The following PGPEP1L variants were observed in gnomAD, a reference collection of about 807,000 sequenced individuals.
PGPEP1L encodes the protein pyroglutamyl-peptidase 1-like protein.
A neutral mutation model predicts 6.0 loss-of-function variants in PGPEP1L; 7 were observed. The observed-to-expected ratio is 1.17, with a 90% confidence interval of 0.66 to 2.19. The LOEUF (loss-of-function observed/expected upper bound fraction) is 2.19. Ranked by LOEUF, PGPEP1L falls within the 30% of genes most tolerant of loss-of-function variation. PGPEP1L has a pLI of 0.00. For synonymous variants in PGPEP1L, 103 were observed against 83.9 expected (o/e 1.23, Z -1.24); for missense variants, 209 against 192.5 (o/e 1.09, Z -0.51).
At chr15:99,002,080 T>G (rs1252814585) in intron 2 of PGPEP1L, among the ~76,000 whole-genome samples, 7 of 152,136 alleles carry the variant, frequency 4.6e-5, no homozygotes, top group African/African-American at 1.7e-4. Context: ...ACCACGATCA[T>G]AGCTTACTGC....
At chr15:98,970,403 C>A (rs1164102805) in intron 3 of PGPEP1L, among the ~76,000 whole-genome samples, 1 of 152,120 alleles carries the variant, frequency 6.6e-6, no homozygotes, top group Non-Finnish European at 1.5e-5. Context: ...CCAGTGAAAT[C>A]TTCTTAGAAT....
intron 2 of PGPEP1L, among the ~76,000 whole-genome samples, chr15:98,984,009 CTTTTTT>C (rs71456904): frequency 8.9e-4 from 103 of 115,780 alleles, no homozygotes; most frequent in African/African-American, 2.2e-3. Flanking sequence ...AGTAAGTAGT[CTTTTTT>C]TTTTTTTTTT....
chr15:99,007,781 C>G lies in PGPEP1L; in HGVS notation c.-792G>C, dbSNP rs757132556. 6.6e-6 allele frequency: 1 copy of G among 152,218 alleles called. No homozygotes were observed. Among genetic ancestry groups the G allele is most frequent in the African/African-American group, 2.4e-5 (1 of 41,440 alleles). 9.4% of individuals were successfully genotyped at this position (152,218 alleles called of 1,614,324 possible). A position where few individuals can be genotyped will look rare whatever the true frequency, so the allele number is the denominator to read the frequency against. On this transcript the variant is annotated 5_prime_UTR_variant, in exon 1 of 5. Coordinates refer to ENST00000535714, the MANE Select transcript of PGPEP1L (RefSeq NM_001167902.2). ...ACTTCCACAGCACAGAAGGCGACTC[C>G]AGCAAGTTGCTACTGCTACCTGGGG...
At chr15:98,987,092 G>T (rs1479359619) in intron 2 of PGPEP1L, among the ~76,000 whole-genome samples, 1 of 145,522 alleles carries the variant, frequency 6.9e-6, no homozygotes, top group Non-Finnish European at 1.5e-5. Context: ...GCTTAAACCC[G>T]GGAGGCGAGG....
rs1193248631 is a variant in PGPEP1L, at chr15:98,971,061, C to T, written c.-44G>A. ...TTGCGGCTGATGATCTTCCCAGATT[C>T]CGGTGACCCTCCGCTTAGCCTCCCT... On this transcript the variant is annotated 5_prime_UTR_variant, in exon 3 of 5. Transcript: ENST00000535714. 2 of 1,613,856 alleles carry T rather than the reference C, an allele frequency of 1.2e-6. No individual in the cohort carries two copies. The highest frequency in any genetic ancestry group is 2.7e-5 in the African/African-American group (2 of 75,018).
At chr15:99,004,613 G>A (rs1367947330) in intron 2 of PGPEP1L, among the ~76,000 whole-genome samples, 8 of 152,186 alleles carry the variant, frequency 5.3e-5, no homozygotes, top group African/African-American at 1.9e-4. Context: ...AGCTACTCGG[G>A]AGGCTGAGGC....
intron 2 of PGPEP1L, among the ~76,000 whole-genome samples, chr15:98,972,419 T>C (rs1006817710): frequency 5.3e-5 from 8 of 151,306 alleles, no homozygotes; most frequent in Non-Finnish European, 1.2e-4. Context: ...AACATTCTAC[T>C]AGAGAAAATC....
chr15:99,007,190 C>G (rs1430605159), intron 1 of PGPEP1L, among the ~76,000 whole-genome samples, 169 bp downstream of exon 1: 3 of 152,194 alleles, frequency 2.0e-5, no homozygotes, highest in Non-Finnish European at 4.4e-5. Context: ...GTCTCCCACT[C>G]CCTGTCCTGA....
chr15:99,005,000 C>T (rs1330393353), intron 2 of PGPEP1L, among the ~76,000 whole-genome samples: 2 of 151,960 alleles, frequency 1.3e-5, no homozygotes, highest in Non-Finnish European at 2.9e-5. Context: ...GATGGGTTTG[C>T]AAGCCTTGTG....
chr15:98,982,699 GCTTTTTTTTT>G (rs1222833707), intron 2 of PGPEP1L, among the ~76,000 whole-genome samples: 5,918 of 73,394 alleles, frequency 0.081, 282 homozygotes, highest in Middle Eastern at 0.16. Context: ...TTTATCTGAG[GCTTTTTTTTT>G]TTTTTTTTTT....
At chr15:98,972,393 A>G (rs1414915406) in intron 2 of PGPEP1L, among the ~76,000 whole-genome samples, 1 of 151,328 alleles carries the variant, frequency 6.6e-6, no homozygotes, top group African/African-American at 2.4e-5. Context: ...TAAATAAATA[A>G]ATAGCATGGA....
At chr15:98,990,929 C>T (rs1184275575) in intron 2 of PGPEP1L, among the ~76,000 whole-genome samples, 4 of 152,152 alleles carry the variant, frequency 2.6e-5, no homozygotes, top group Non-Finnish European at 5.9e-5. Flanking sequence ...AACAAAGATA[C>T]AACGTACCAG....
At chr15:98,985,356 T>C (rs1345583058) in intron 2 of PGPEP1L, among the ~76,000 whole-genome samples, 4 of 152,116 alleles carry the variant, frequency 2.6e-5, no homozygotes, top group Non-Finnish European at 5.9e-5. Flanking sequence ...CTGGCCAACA[T>C]GGTGAAACCT....
chr15:98,970,937 G>GCC (rs2017484065), intron 3 of PGPEP1L, 99 bp downstream of exon 3: 1 of 1,525,558 alleles, frequency 6.6e-7, no homozygotes, highest in African/African-American at 1.4e-5. Context: ...GGGACGGGGT[G>GCC]CCCCTCAACC....
At chr15:99,005,987 G>C (rs1555473568) in intron 1 of PGPEP1L, among the ~76,000 whole-genome samples, 1 of 152,100 alleles carries the variant, frequency 6.6e-6, no homozygotes, top group African/African-American at 2.4e-5. Context: ...TTATGATTTG[G>C]TAAAATTTGA....
chr15:98,982,653 T>G (rs1214082833), intron 2 of PGPEP1L, among the ~76,000 whole-genome samples: 1 of 149,442 alleles, frequency 6.7e-6, no homozygotes, highest in Non-Finnish European at 1.5e-5. Flanking sequence ...ACTAGAGAGA[T>G]GTCTGAGGTC....
intron 2 of PGPEP1L, among the ~76,000 whole-genome samples, chr15:98,979,343 CCAAA>C (rs962761183): frequency 0.036 from 159 of 4,426 alleles, no homozygotes; most frequent in Non-Finnish European, 0.054. Context: ...AAAAAAAAAA[CCAAA>C]AAACACCTGG....
intron 2 of PGPEP1L, among the ~76,000 whole-genome samples, chr15:98,972,802 C>T (rs1006315950): frequency 2.3e-5 from 3 of 130,318 alleles, no homozygotes; most frequent in Non-Finnish European, 3.1e-5. Flanking sequence ...ACCCAGGAGG[C>T]GGAGCTTGCA....
At chr15:98,974,885 G>A (rs373500695) in intron 2 of PGPEP1L, among the ~76,000 whole-genome samples, 9 of 151,658 alleles carry the variant, frequency 5.9e-5, no homozygotes, top group East Asian at 5.9e-4. Context: ...CAACAAGAGC[G>A]AAACTCCACC....
Sources: allele counts gnomAD v4.1 joint callset (sites outside exome capture counted in the v4.1 genomes callset), GRCh38; gene constraint gnomAD v4.1.1; transcripts MANE v1.5; gene names NCBI Gene and HGNC (gene_info 2026-07-23, HGNC 2026-07-21).